The following KCNT1 variants were observed in gnomAD, a reference collection of about 807,000 sequenced individuals.
KCNT1 encodes potassium channel subfamily T member 1.
KCNT1 carries 78 observed loss-of-function variants against 147.8 expected under a neutral mutation model. That is an observed-to-expected ratio of 0.53 (90% CI 0.44 to 0.64). KCNT1 has a LOEUF of 0.64. Ranked by LOEUF, KCNT1 falls within the 30% of genes least tolerant of loss-of-function variation. The probability of loss-of-function intolerance (pLI) is 0.00; values close to 1 mark genes in which losing one functional copy is unlikely to be tolerated. For synonymous variants in KCNT1, 867 were observed against 748.8 expected (o/e 1.16, Z -2.58); for missense variants, 1,419 against 1,750.3 (o/e 0.81, Z 3.38).
chr9:135,719,753 G>A (rs1400052068), intron 2 of KCNT1, among the ~76,000 whole-genome samples: 1 of 152,126 alleles, frequency 6.6e-6, no homozygotes, highest in East Asian at 1.9e-4. Context: ...TGGCTCCTTG[G>A]GCCACCCCAA....
At chr9:135,709,781 A>T (rs1835415100) in intron 1 of KCNT1, among the ~76,000 whole-genome samples, 1 of 152,192 alleles carries the variant, frequency 6.6e-6, no homozygotes, top group South Asian at 2.1e-4. Flanking sequence ...CCTGGGTTCC[A>T]ACAATTCTCC....
rs1834614606 is a variant in KCNT1, at chr9:135,792,511, G to A, written c.*350G>A. 9.5e-6 allele frequency: 2 copies of A among 211,016 alleles called. No individual in the cohort carries two copies. The highest frequency in any genetic ancestry group is 1.9e-5 in the Non-Finnish European group (2 of 104,294). The allele number at this position is 211,016 out of a possible 1,614,324, so 13.1% of individuals were successfully genotyped here. A position where few individuals can be genotyped will look rare whatever the true frequency, so the allele number is the denominator to read the frequency against. On this transcript the variant is annotated 3_prime_UTR_variant, in exon 31 of 31. Transcript: ENST00000371757. ...GAGCCCAGGCTGTGCTGGAGGGTGG[G>A]GCTGGGGTGCATGGGGAGGGGAGCA...
chr9:135,759,529 C>T (rs1483545305), intron 10 of KCNT1, 150 bp from the exon 11 acceptor site: 1 of 739,160 alleles, frequency 1.4e-6, no homozygotes, highest in Admixed American at 3.9e-5. Flanking sequence ...GGCCTGATGC[C>T]ACCCAGCTGT....
At chr9:135,756,561 G>A (rs1831492722) in intron 6 of KCNT1, among the ~76,000 whole-genome samples, 1 of 152,058 alleles carries the variant, frequency 6.6e-6, no homozygotes, top group African/African-American at 2.4e-5. Context: ...TCCCCACCAG[G>A]GCAGCGGGAT....
At chr9:135,785,487 C>A (rs1051411318) in intron 28 of KCNT1, 157 bp downstream of exon 28, 1 of 927,174 alleles carries the variant, frequency 1.1e-6, no homozygotes, top group African/African-American at 1.6e-5. Context: ...GGCCCCAGCA[C>A]GGCTCAGAGA....
In KCNT1 at chr9:135,752,520, C is replaced by T; in HGVS notation, c.435-1417C>T. ...TTCTGGTTTCACATCCCCACAGGGC[C>T]CAAGTCTGTTGTGTTCACTGCCCGT... On this transcript the variant is annotated intron_variant, in intron 4 of 30. Transcript: ENST00000371757. This position sits in a 1 kb window ranked among gnomAD's most constrained non-coding sequence, Gnocchi z 5.1. The T allele has an allele frequency of 2.2e-6, 1 of 449,472 alleles. No individual in the cohort carries two copies. The highest frequency in any genetic ancestry group is 4.5e-6 in the Non-Finnish European group (1 of 224,000). The allele number at this position is 449,472 out of a possible 1,614,324, so 27.8% of individuals were successfully genotyped here.
chr9:135,792,133 C>A lies in KCNT1; in HGVS notation c.3680C>A (p.Pro1227His). 1 of 1,606,142 alleles carries A rather than the reference C, an allele frequency of 6.2e-7. No individual in the cohort carries two copies. Among genetic ancestry groups the A allele is most frequent in the South Asian group, 1.1e-5 (1 of 90,836 alleles). The change falls in exon 31 of 31, where the codon CCC becomes CAC. Residue 1227 changes from proline to histidine, a missense_variant. Pro to His is a moderately conservative substitution (Grantham distance 77). Transcript: ENST00000371757. ...SCSHKLSSCN[P>H]ETRDETQL ...AGCCACAAGCTGTCGTCCTGCAACC[C>A]CGAGACTCGCGACGAGACACAGCTC...
intron 1 of KCNT1, among the ~76,000 whole-genome samples, chr9:135,712,621 C>T (rs1021185132): frequency 1.3e-5 from 2 of 152,256 alleles, no homozygotes; most frequent in South Asian, 2.1e-4. Context: ...AACCAGACCC[C>T]GAGGACACGG....
chr9:135,735,921 G>A (rs1830319807), intron 2 of KCNT1, among the ~76,000 whole-genome samples: 2 of 152,204 alleles, frequency 1.3e-5, no homozygotes, highest in African/African-American at 4.8e-5. Context: ...CTGGAGCCGC[G>A]TCTGTGACAT....
chr9:135,732,336 A>G (rs1326807036), intron 2 of KCNT1, among the ~76,000 whole-genome samples: 1 of 152,106 alleles, frequency 6.6e-6, no homozygotes, highest in Non-Finnish European at 1.5e-5. Context: ...TATTTTAAAT[A>G]CCAAAAACTA....
chr9:135,770,512 C>T, intron 17 of KCNT1, 65 bp downstream of exon 17: 2 of 1,537,630 alleles, frequency 1.3e-6, no homozygotes, highest in Non-Finnish European at 1.8e-6. Flanking sequence ...CCCTCCCCAC[C>T]CTCCCGGTCA....
intron 11 of KCNT1, among the ~76,000 whole-genome samples, chr9:135,762,113 G>C (rs1831954539): frequency 6.6e-6 from 1 of 152,218 alleles, no homozygotes; most frequent in Non-Finnish European, 1.5e-5. Flanking sequence ...TGCTCCTGAA[G>C]CACCAGGGGA....
At chr9:135,779,938 A>G (rs1258886394) in intron 24 of KCNT1, among the ~76,000 whole-genome samples, 2 of 152,256 alleles carry the variant, frequency 1.3e-5, no homozygotes, top group African/African-American at 2.4e-5. Context: ...CAGGTTCAGT[A>G]TAACCACTGC....
At chr9:135,771,154 C>CGGGACACCGGCAGGTGACCAGGT in intron 18 of KCNT1, 59 bp downstream of exon 18, 1 of 1,470,338 alleles carries the variant, frequency 6.8e-7, no homozygotes, top group Non-Finnish European at 9.3e-7. Context: ...GGAGACCAGG[C>CGGGACACCGGCAGGTGACCAGGT]GGGACACCGG....
chr9:135,737,693 GCTGGCAGAGCAGGGC>G (rs1226628301), intron 2 of KCNT1, among the ~76,000 whole-genome samples: 3 of 152,180 alleles, frequency 2.0e-5, no homozygotes, highest in Non-Finnish European at 2.9e-5. Flanking sequence ...GGGGGGCAGG[GCTGGCAGAGCAGGGC>G]CTGGCAGATG....
intron 29 of KCNT1, 110 bp from the exon 30 acceptor site, chr9:135,791,687 A>T: frequency 1.1e-6 from 1 of 917,938 alleles, no homozygotes. Flanking sequence ...AATGGTCAGG[A>T]AGGCCGGAAA....
intron 2 of KCNT1, among the ~76,000 whole-genome samples, chr9:135,737,281 A>G (rs528191243): frequency 1.2e-3 from 180 of 152,230 alleles, no homozygotes; most frequent in African/African-American, 4.3e-3. Flanking sequence ...TGCTTGTGGC[A>G]GGAGGGGTGC....
At chr9:135,786,802 GCC>G (rs2131584480) in intron 29 of KCNT1, among the ~76,000 whole-genome samples, 1 of 152,372 alleles carries the variant, frequency 6.6e-6, no homozygotes, top group Admixed American at 6.5e-5. Flanking sequence ...CCTGGTGTGA[GCC>G]CCGTAGGGAG....
intron 28 of KCNT1, 118 bp downstream of exon 28, chr9:135,785,448 G>A (rs766740941): frequency 3.1e-5 from 39 of 1,269,894 alleles, no homozygotes; most frequent in African/African-American, 1.0e-4. Context: ...TGGGAAAGCC[G>A]AGGCAGGAGC....
Sources: allele counts gnomAD v4.1 joint callset (sites outside exome capture counted in the v4.1 genomes callset), GRCh38; gene constraint gnomAD v4.1.1; non-coding constraint Gnocchi (gnomAD v3.1); transcripts MANE v1.5; gene names NCBI Gene and HGNC (gene_info 2026-07-23, HGNC 2026-07-21).